Variants in CBFB observed in about 807,000 individuals in gnomAD.
CBFB encodes CBF-beta.
A neutral mutation model predicts 30.4 loss-of-function variants in CBFB; 9 were observed. The ratio of observed to expected loss-of-function variants is 0.30; its 90% CI spans 0.18 to 0.52. The LOEUF (loss-of-function observed/expected upper bound fraction) is 0.52. Ranked by LOEUF, CBFB falls within the 20% of genes least tolerant of loss-of-function variation. The probability of loss-of-function intolerance (pLI) is 0.97; values close to 1 mark genes in which losing one functional copy is unlikely to be tolerated. For synonymous variants in CBFB, 94 were observed against 84.0 expected, an observed-to-expected ratio of 1.12 and a Z score of -0.65; for missense variants, 170 against 244.0, an observed-to-expected ratio of 0.70 and a Z score of 2.02.
chr16:67,059,942 T>C (rs1183979712), intron 3 of CBFB, among the ~76,000 whole-genome samples: 1 of 151,866 alleles, frequency 6.6e-6, no homozygotes, highest in Non-Finnish European at 1.5e-5. Context: ...AGATAAAAAT[T>C]GTTGCAAACT....
At chr16:67,083,452 T>C (rs1961628590) in intron 5 of CBFB, among the ~76,000 whole-genome samples, 2 of 151,954 alleles carry the variant, frequency 1.3e-5, no homozygotes, top group African/African-American at 4.8e-5. Context: ...CACACCACCA[T>C]GGCCGGCTAA....
At chr16:67,079,741 C>CT (rs1406840362) in intron 4 of CBFB, among the ~76,000 whole-genome samples, 1 of 152,164 alleles carries the variant, frequency 6.6e-6, no homozygotes, top group African/African-American at 2.4e-5. Flanking sequence ...TTGGCTACAA[C>CT]TGAGTTACGT....
rs548752613 is a variant in CBFB at position 67,056,767 on chromosome 16, G to A, written c.283-9915G>A. Among the ~76,000 whole-genome samples the A allele has an allele frequency of 8.6e-5, 13 of 151,128 alleles. No individual in the cohort carries two copies. In the South Asian group the frequency reaches 2.3e-3, roughly 27 times the overall value. On this transcript the variant is annotated intron_variant, in intron 3 of 5. Coordinates refer to ENST00000412916, the MANE Select transcript of CBFB (RefSeq NM_022845.3). Reference sequence around the variant, plus strand: ...CATGATCTCAGCTCACTGCAACTTCGGCTTCCCGGGTTCAAGCAGGTCTCC... The same window carrying A: ...CATGATCTCAGCTCACTGCAACTTCAGCTTCCCGGGTTCAAGCAGGTCTCC...
At chr16:67,084,764 CG>C (rs1157836093) in intron 5 of CBFB, among the ~76,000 whole-genome samples, 1 of 150,734 alleles carries the variant, frequency 6.6e-6, no homozygotes, top group East Asian at 1.9e-4. Context: ...TGTGTGCATA[CG>C]TGTGTGTGTG....
intron 4 of CBFB, among the ~76,000 whole-genome samples, chr16:67,074,386 C>CTT (rs34186310): frequency 9.4e-5 from 13 of 138,356 alleles, no homozygotes; most frequent in East Asian, 2.1e-4. Context: ...AACAGTAAAG[C>CTT]TTTTTTTTTT....
intron 3 of CBFB, among the ~76,000 whole-genome samples, chr16:67,051,505 C>T (rs928990988): frequency 6.6e-6 from 1 of 151,804 alleles, no homozygotes; most frequent in Non-Finnish European, 1.5e-5. Flanking sequence ...CACACACATA[C>T]ATATATGGAT....
At chr16:67,064,541 T>C (rs1016563057) in intron 3 of CBFB, among the ~76,000 whole-genome samples, 5 of 152,110 alleles carry the variant, frequency 3.3e-5, no homozygotes, top group African/African-American at 1.2e-4. Context: ...ATTAGGTTAG[T>C]GTGGTATTAG....
At chr16:67,082,591 CTCT>C (rs1302600942) in intron 5 of CBFB, among the ~76,000 whole-genome samples, 2 of 151,876 alleles carry the variant, frequency 1.3e-5, no homozygotes, top group African/African-American at 2.4e-5. Context: ...AAAATCTCAC[CTCT>C]TTTTTTCTTA....
intron 2 of CBFB, among the ~76,000 whole-genome samples, chr16:67,031,047 C>T (rs914272862): frequency 6.6e-6 from 1 of 152,178 alleles, no homozygotes; most frequent in African/African-American, 2.4e-5. Flanking sequence ...ACTTCTCCCA[C>T]CCCCTTTATA....
intron 4 of CBFB, among the ~76,000 whole-genome samples, chr16:67,076,479 C>T (rs928406079): frequency 6.6e-6 from 1 of 152,128 alleles, no homozygotes; most frequent in African/African-American, 2.4e-5. Flanking sequence ...GTTTTTCCCC[C>T]CATTTATTTC....
chr16:67,046,528 T>A (rs974032331), intron 3 of CBFB, among the ~76,000 whole-genome samples: 15 of 152,334 alleles, frequency 9.8e-5, no homozygotes, highest in African/African-American at 3.1e-4. Context: ...AGTTTTTCAA[T>A]CAGCATTATT....
chr16:67,077,935 G>A (rs1031141261), intron 4 of CBFB, among the ~76,000 whole-genome samples: 1 of 152,190 alleles, frequency 6.6e-6, no homozygotes, highest in Non-Finnish European at 1.5e-5. Context: ...ACCTGGCTAC[G>A]TTGTGCAGGT....
At chr16:67,052,320 A>G (rs900228168) in intron 3 of CBFB, among the ~76,000 whole-genome samples, 1 of 152,208 alleles carries the variant, frequency 6.6e-6, no homozygotes, top group Non-Finnish European at 1.5e-5. Context: ...CTGTAATCCT[A>G]GCACTTTGGG....
intron 3 of CBFB, among the ~76,000 whole-genome samples, chr16:67,051,656 G>A (rs1463071976): frequency 6.6e-6 from 1 of 151,796 alleles, no homozygotes; most frequent in African/African-American, 2.4e-5. Context: ...CGTGAGAAAT[G>A]TCTAAATGAC....
At chr16:67,090,836 C>A (rs1433247772) in intron 5 of CBFB, among the ~76,000 whole-genome samples, 2 of 152,096 alleles carry the variant, frequency 1.3e-5, no homozygotes, top group Non-Finnish European at 2.9e-5. Context: ...TATGTGGAAA[C>A]TATTTGGAAA....
At chr16:67,054,199 T>C (rs1960647276) in intron 3 of CBFB, among the ~76,000 whole-genome samples, 1 of 152,160 alleles carries the variant, frequency 6.6e-6, no homozygotes, top group African/African-American at 2.4e-5. Flanking sequence ...GGTCTCTTTG[T>C]GGATAACAGA....
intron 5 of CBFB, among the ~76,000 whole-genome samples, chr16:67,083,813 A>G (rs948254942): frequency 6.6e-6 from 1 of 152,116 alleles, no homozygotes; most frequent in Non-Finnish European, 1.5e-5. Context: ...ACAGACCTCA[A>G]TTATAAAAAT....
At chr16:67,076,441 AGT>A (rs761012091) in intron 4 of CBFB, among the ~76,000 whole-genome samples, 2 of 152,206 alleles carry the variant, frequency 1.3e-5, no homozygotes, top group Non-Finnish European at 2.9e-5. Context: ...TTTATGTAAA[AGT>A]ACAAAATCAG....
chr16:67,095,602 C>A (rs1024657624), intron 5 of CBFB, among the ~76,000 whole-genome samples: 20 of 151,814 alleles, frequency 1.3e-4, no homozygotes, highest in African/African-American at 4.6e-4. Flanking sequence ...ATCACTTGAG[C>A]CCAGGAGTTT....
Sources: allele counts gnomAD v4.1 joint callset (sites outside exome capture counted in the v4.1 genomes callset), GRCh38; gene constraint gnomAD v4.1.1; transcripts MANE v1.5; gene names NCBI Gene and HGNC (gene_info 2026-07-23, HGNC 2026-07-21).